WDR72: variants seen among roughly 807,000 people sequenced by gnomAD.
The protein encoded by WDR72 is WD repeat-containing protein 72.
In WDR72, 120 loss-of-function variants were observed where a neutral mutation model predicts 124.2. That is an observed-to-expected ratio of 0.97 (90% CI 0.83 to 1.12). The LOEUF (loss-of-function observed/expected upper bound fraction) is 1.12, where lower values mean the gene tolerates loss of function less well. Among genes scored for constraint, WDR72 ranks in the 50% most tolerant of loss-of-function variants. The pLI, the probability that WDR72 is intolerant of heterozygous loss-of-function variation, is 0.00. For missense variants in WDR72, 1,387 were observed against 1,278.8 expected, an observed-to-expected ratio of 1.08 and a Z score of -1.29; for synonymous variants, 452 against 441.7, an observed-to-expected ratio of 1.02 and a Z score of -0.29.
chr15:53,641,609 TG>T, intron 14 of WDR72, among the ~76,000 whole-genome samples: 1 of 152,142 alleles, frequency 6.6e-6, no homozygotes, highest in South Asian at 2.1e-4. Flanking sequence ...GCTTGCTCTC[TG>T]GGACTATATC....
chr15:53,609,538 G>C lies in WDR72; in HGVS notation c.2927C>G (p.Ser976Cys). Residue 976 changes from serine to cysteine, a missense_variant, in exon 17 of 20, where the codon TCC (serine) becomes TGC (cysteine). Coordinates refer to ENST00000360509, the MANE Select transcript of WDR72 (RefSeq NM_182758.4). ...CTGCACAGACTGGTCTCTCCAACAG[G>C]AAATTAGCTTCAAAAGTGAAAGGTC... is the stretch of plus-strand genomic sequence containing the variant. ...EADLSLLKLI[S>C]CWRDQSVQVT... is the part of the protein sequence containing the mutation. The C allele has an allele frequency of 6.2e-7, 1 of 1,613,454 alleles. No homozygotes were observed. The highest frequency in any genetic ancestry group is 8.5e-7 in the Non-Finnish European group (1 of 1,179,650).
At chr15:53,729,294 G>T (rs1437224093) in intron 2 of WDR72, among the ~76,000 whole-genome samples, 1 of 152,100 alleles carries the variant, frequency 6.6e-6, no homozygotes, top group Non-Finnish European at 1.5e-5. Context: ...GTAGAAGTCT[G>T]CTAGCCATAG....
intron 17 of WDR72, among the ~76,000 whole-genome samples, chr15:53,607,215 A>T (rs1240589702): frequency 6.6e-6 from 1 of 152,124 alleles, no homozygotes; most frequent in East Asian, 1.9e-4. Context: ...TTGAAGAACC[A>T]GTCCTCTAAG....
At chr15:53,549,998 CATAATATAA>C (rs1478240650) in intron 18 of WDR72, among the ~76,000 whole-genome samples, 2 of 152,104 alleles carry the variant, frequency 1.3e-5, no homozygotes, top group African/African-American at 4.8e-5. Context: ...TGTCCCCTTT[CATAATATAA>C]GCTCCAGAAA....
chr15:53,682,951 A>C (rs1378997761), intron 13 of WDR72, among the ~76,000 whole-genome samples: 1 of 152,192 alleles, frequency 6.6e-6, no homozygotes, highest in Non-Finnish European at 1.5e-5. Context: ...TTTCTTTATG[A>C]CTGTGGAAGC....
At chr15:53,680,264 C>T (rs780172014) in intron 13 of WDR72, among the ~76,000 whole-genome samples, 1 of 152,164 alleles carries the variant, frequency 6.6e-6, no homozygotes, top group Non-Finnish European at 1.5e-5. Flanking sequence ...GCAATTCCAA[C>T]CCCAAGCTTG....
rs147482363 is a variant in WDR72 at position 53,735,418 on chromosome 15, C to A, written c.-12-2257G>T. 2.6e-5 allele frequency among the ~76,000 whole-genome samples: 4 copies of A among 152,232 alleles called. No homozygotes were observed. The East Asian group carries it at 5.8e-4, about 22-fold the overall frequency. On this transcript the variant is annotated intron_variant, in intron 1 of 19. Coordinates refer to ENST00000360509, the MANE Select transcript of WDR72 (RefSeq NM_182758.4). ...AGTGATTGCTCAGGGAAAGAAAGAA[C>A]AGGGAACAGTGACATTACAATGGGG...
intron 2 of WDR72, among the ~76,000 whole-genome samples, chr15:53,731,331 A>G (rs553930288): frequency 1.3e-5 from 2 of 152,106 alleles, no homozygotes; most frequent in East Asian, 3.9e-4. Context: ...TTAATGTAGA[A>G]TAACTTTGCT....
chr15:53,657,598 T>A (rs978770405), intron 14 of WDR72, among the ~76,000 whole-genome samples: 1 of 152,198 alleles, frequency 6.6e-6, no homozygotes, highest in Admixed American at 6.5e-5. Context: ...AAAGTTATAA[T>A]CTTAGATTTC....
intron 14 of WDR72, among the ~76,000 whole-genome samples, chr15:53,635,337 C>T (rs2014584305): frequency 6.6e-6 from 1 of 152,152 alleles, no homozygotes; most frequent in African/African-American, 2.4e-5. Flanking sequence ...TAGAAAAACT[C>T]AGCTTATGGA....
intron 13 of WDR72, among the ~76,000 whole-genome samples, chr15:53,686,807 G>A (rs1344003820): frequency 6.6e-6 from 1 of 150,686 alleles, no homozygotes; most frequent in South Asian, 2.1e-4. Flanking sequence ...CCACATACTT[G>A]GAAGTAAAGC....
At chr15:53,610,769 G>A (rs2013506094) in intron 16 of WDR72, among the ~76,000 whole-genome samples, 3 of 152,016 alleles carry the variant, frequency 2.0e-5, no homozygotes, top group African/African-American at 2.4e-5. Flanking sequence ...AAACATGGAA[G>A]TATGGTAGAA....
intron 14 of WDR72, among the ~76,000 whole-genome samples, 178 bp from the exon 15 acceptor site, chr15:53,616,421 T>C (rs939231546): frequency 6.6e-6 from 1 of 152,006 alleles, no homozygotes; most frequent in Non-Finnish European, 1.5e-5. Context: ...TTCTATATTC[T>C]AACATTCTTT....
At chr15:53,537,715 G>C (rs1001157084) in intron 18 of WDR72, among the ~76,000 whole-genome samples, 10 of 152,096 alleles carry the variant, frequency 6.6e-5, no homozygotes, top group African/African-American at 2.2e-4. Flanking sequence ...ATCTGTCTTT[G>C]TCTAGAAATA....
At position 53,520,108 on chromosome 15, in the gene WDR72, G is replaced by A. The variant is rs200738390; in HGVS notation, c.3254-2354C>T. Reference sequence around the variant, plus strand: ...TTTTGCTTTCTGCCTATGAAAATACGTTCGTATTCACAATATAAAACCAGA... The same window carrying A: ...TTTTGCTTTCTGCCTATGAAAATACATTCGTATTCACAATATAAAACCAGA... On this transcript the variant is annotated intron_variant, in intron 19 of 19. Transcript: ENST00000360509. 8.2e-3 allele frequency among the ~76,000 whole-genome samples: 1,026 copies of A among 125,606 alleles called. 19 individuals carry two copies. In the East Asian group the frequency reaches 0.12, roughly 14 times the overall value. 82.4% of individuals were successfully genotyped at this position (125,606 alleles called of 152,430 possible).
chr15:53,727,636 T>G (rs1458232521), intron 2 of WDR72, among the ~76,000 whole-genome samples: 1 of 152,168 alleles, frequency 6.6e-6, no homozygotes, highest in Non-Finnish European at 1.5e-5. Context: ...CCTGTGCATT[T>G]AATCCCTTTC....
rs117235942 is a variant in WDR72, at chr15:53,611,850, T to G, written c.2872+1816A>C. ...CATTAACATAATTCTTGGAACAAAC[T>G]AAGCACAAGTTAATTGGAAGCTAAT... On this transcript the variant is annotated intron_variant, in intron 16 of 19. Coordinates refer to ENST00000360509, the MANE Select transcript of WDR72 (RefSeq NM_182758.4). Among the ~76,000 whole-genome samples the G allele has an allele frequency of 6.3e-3, 962 of 152,168 alleles. 7 individuals carry two copies. The highest frequency in any genetic ancestry group is 8.9e-3 in the South Asian group (43 of 4,824).
chr15:53,571,816 T>C (rs915545901), intron 18 of WDR72, among the ~76,000 whole-genome samples: 4 of 151,972 alleles, frequency 2.6e-5, no homozygotes, highest in Non-Finnish European at 5.9e-5. Context: ...CCATAATGGT[T>C]GTACTAATAT....
intron 17 of WDR72, among the ~76,000 whole-genome samples, chr15:53,601,386 T>C (rs1817780876): frequency 6.6e-6 from 1 of 152,104 alleles, no homozygotes; most frequent in African/African-American, 2.4e-5. Flanking sequence ...GAGGGACTGT[T>C]ACCAGCCATT....
Sources: allele counts gnomAD v4.1 joint callset (sites outside exome capture counted in the v4.1 genomes callset), GRCh38; gene constraint gnomAD v4.1.1; transcripts MANE v1.5; gene names NCBI Gene and HGNC (gene_info 2026-07-23, HGNC 2026-07-21).